The following FECH variants were observed in gnomAD, a reference collection of about 807,000 sequenced individuals.
FECH encodes the protein ferrochelatase, mitochondrial.
A neutral mutation model predicts 56.9 loss-of-function variants in FECH; 40 were observed. The observed-to-expected ratio is 0.70, with a 90% CI of 0.55 to 0.92. The LOEUF (loss-of-function observed/expected upper bound fraction) is 0.92, where lower values mean the gene tolerates loss of function less well. Ranked by LOEUF, FECH falls within the 40% of genes least tolerant of loss-of-function variation. FECH has a pLI of 0.00. For synonymous variants in FECH, 175 were observed against 198.6 expected, an observed-to-expected ratio of 0.88 and a Z score of 1.00; for missense variants, 431 against 529.1, an observed-to-expected ratio of 0.81 and a Z score of 1.82.
At chr18:57,569,738 G>A (rs139084126) in intron 4 of FECH, among the ~76,000 whole-genome samples, 1 of 152,036 alleles carries the variant, frequency 6.6e-6, no homozygotes, top group African/African-American at 2.4e-5. Context: ...ATAATGATGG[G>A]TACTACAGTA....
chr18:57,572,281 A>T (rs1018466770), intron 3 of FECH, among the ~76,000 whole-genome samples: 2 of 152,112 alleles, frequency 1.3e-5, no homozygotes, highest in Admixed American at 6.5e-5. Flanking sequence ...ATGAAGCTGG[A>T]AACCACCATT....
rs984159008 is a variant in FECH, at chr18:57,548,361, G to A, written c.*2351C>T. 2 of 152,086 alleles carry A rather than the reference G, an allele frequency of 1.3e-5. No individual in the cohort carries two copies. The highest frequency in any genetic ancestry group is 4.8e-5 in the African/African-American group (2 of 41,396). The allele number at this position is 152,086 out of a possible 1,614,324, so 9.4% of individuals were successfully genotyped here. A position where few individuals can be genotyped will look rare whatever the true frequency, so the allele number is the denominator to read the frequency against. ...TTAAAAAGTTAAGTAGTTCAAGAATGCATATTCTTTAGAAGAGCACTATAC... is the reference window on the plus strand; with the variant it reads ...TTAAAAAGTTAAGTAGTTCAAGAATACATATTCTTTAGAAGAGCACTATAC... On this transcript the variant is annotated 3_prime_UTR_variant, in exon 11 of 11. Coordinates refer to ENST00000262093, the MANE Select transcript of FECH (RefSeq NM_000140.5).
At chr18:57,559,086 G>C (rs1210933479) in intron 7 of FECH, 59 bp downstream of exon 7, 1 of 1,162,320 alleles carries the variant, frequency 8.6e-7, no homozygotes, top group East Asian at 2.3e-5. Flanking sequence ...TACACATTTA[G>C]AAAATGAAAT....
intron 2 of FECH, among the ~76,000 whole-genome samples, chr18:57,579,244 T>A (rs76173542): frequency 1.6e-3 from 211 of 131,114 alleles, no homozygotes; most frequent in Non-Finnish European, 1.8e-3. Flanking sequence ...TGAGACTCTC[T>A]CAAAAAAAAA....
intron 4 of FECH, among the ~76,000 whole-genome samples, chr18:57,567,395 T>C (rs1418379612): frequency 6.6e-6 from 1 of 152,222 alleles, no homozygotes; most frequent in African/African-American, 2.4e-5. Flanking sequence ...TCTTCTATCT[T>C]CTTTATCCTC....
At chr18:57,566,376 AG>A in intron 5 of FECH, 70 bp downstream of exon 5, 1 of 1,603,118 alleles carries the variant, frequency 6.2e-7, no homozygotes, top group Admixed American at 1.7e-5. Context: ...CCTTCCCTTC[AG>A]TACTTAGACT....
chr18:57,565,619 A>C (rs1286099961), intron 5 of FECH, among the ~76,000 whole-genome samples: 1 of 152,170 alleles, frequency 6.6e-6, no homozygotes, highest in Non-Finnish European at 1.5e-5. Flanking sequence ...TCTTGAGGGT[A>C]TCTTAGAACT....
intron 5 of FECH, among the ~76,000 whole-genome samples, chr18:57,565,690 T>C (rs559959449): frequency 3.9e-5 from 6 of 152,352 alleles, no homozygotes; most frequent in African/African-American, 1.2e-4. Flanking sequence ...TTTGACTTTT[T>C]CCAATAGCCT....
At position 57,571,485 on chromosome 18, in the gene FECH, G is replaced by A. The variant is rs768502841; in HGVS notation, c.370C>T (p.Arg124Cys). The A allele has an allele frequency of 1.7e-5, 27 of 1,613,784 alleles. No homozygotes were observed. The highest frequency in any genetic ancestry group is 2.2e-5 in the Non-Finnish European group (26 of 1,180,002). Residue 124 changes from arginine (R) to cysteine (C), a missense_variant, in exon 4 of 11, where the codon CGC (arginine) becomes TGC (cysteine). By Grantham distance (180) the Arg-to-Cys change is radical. Transcript: ENST00000262093. ...RRTPKIQEQY[R>C]RIGGGSPIKI... ...ATGGGGGATCCGCCTCCAATCCTGC[G>A]GTACTGCTCTTGAATCTTGGGGGTT...
intron 7 of FECH, among the ~76,000 whole-genome samples, chr18:57,558,143 C>A (rs2050892005): frequency 6.6e-6 from 1 of 152,214 alleles, no homozygotes; most frequent in African/African-American, 2.4e-5. Context: ...TTGTTAAAAC[C>A]TCAATCACCC....
intron 1 of FECH, among the ~76,000 whole-genome samples, chr18:57,581,494 G>A (rs1447020612): frequency 1.3e-5 from 2 of 152,206 alleles, no homozygotes; most frequent in Admixed American, 6.5e-5. Context: ...CAAACCAGCC[G>A]GTTAGAAACC....
At chr18:57,551,263 G>A in intron 10 of FECH, 52 bp downstream of exon 10, 1 of 1,304,102 alleles carries the variant, frequency 7.7e-7, no homozygotes, top group Non-Finnish European at 1.1e-6. Context: ...GAGTTTCTCA[G>A]AGGATTACTC....
At chr18:57,568,778 A>G (rs2051052210) in intron 4 of FECH, among the ~76,000 whole-genome samples, 1 of 152,248 alleles carries the variant, frequency 6.6e-6, no homozygotes, top group South Asian at 2.1e-4. Flanking sequence ...AATAGTTCAA[A>G]TGTCCGATTT....
chr18:57,585,254 A>G (rs1323171619), intron 1 of FECH, among the ~76,000 whole-genome samples: 1 of 152,202 alleles, frequency 6.6e-6, no homozygotes, highest in Non-Finnish European at 1.5e-5. Flanking sequence ...ATCTTTTCCT[A>G]TCAACCAAAA....
chr18:57,566,388 C>G (rs1568148507), intron 5 of FECH, 59 bp downstream of exon 5: 1 of 1,612,314 alleles, frequency 6.2e-7, no homozygotes, highest in African/African-American at 1.3e-5. Flanking sequence ...TACTTAGACT[C>G]CTTGGTTATT....
intron 4 of FECH, among the ~76,000 whole-genome samples, chr18:57,569,179 T>C (rs1345144638): frequency 6.6e-6 from 1 of 152,252 alleles, no homozygotes; most frequent in Non-Finnish European, 1.5e-5. Context: ...CAAAGCATAT[T>C]TGAGATTTAG....
In FECH at chr18:57,555,198, C is replaced by T. The variant is rs144688746; in HGVS notation, c.805-246G>A. On this transcript the variant is annotated intron_variant, in intron 7 of 10. Coordinates refer to ENST00000262093, the MANE Select transcript of FECH (RefSeq NM_000140.5). ...AGAGGGTGGAGAATTCCATGTTCCA[C>T]GTTATTCATGGGGGACTCACAAGAT... 1.8e-3 allele frequency among the ~76,000 whole-genome samples: 277 copies of T among 152,324 alleles called. 2 individuals are homozygous for T. Among genetic ancestry groups the T allele is most frequent in the African/African-American group, 5.8e-3 (243 of 41,576 alleles).
chr18:57,552,424 G>T (rs1049481813), intron 9 of FECH, among the ~76,000 whole-genome samples: 5 of 150,330 alleles, frequency 3.3e-5, no homozygotes, highest in African/African-American at 1.2e-4. Context: ...TTTTTGAGAG[G>T]CAGTCTCAGT....
intron 10 of FECH, 51 bp from the exon 11 acceptor site, chr18:57,550,897 G>A (rs375527841): frequency 1.3e-4 from 204 of 1,610,222 alleles, no homozygotes; most frequent in Non-Finnish European, 1.5e-4. Flanking sequence ...GGGTCTGCTC[G>A]TCTGCCATGC....
Sources: allele counts gnomAD v4.1 joint callset (sites outside exome capture counted in the v4.1 genomes callset), GRCh38; gene constraint gnomAD v4.1.1; transcripts MANE v1.5; gene names NCBI Gene and HGNC (gene_info 2026-07-23, HGNC 2026-07-21).